The following NAALADL2 variants were observed in gnomAD, a reference collection of about 807,000 sequenced individuals.
NAALADL2 encodes inactive N-acetylated-alpha-linked acidic dipeptidase-like protein 2.
NAALADL2 carries 76 observed loss-of-function variants against 87.2 expected under a neutral mutation model. The ratio of observed to expected loss-of-function variants is 0.87; its 90% CI spans 0.72 to 1.05. The LOEUF is 1.05. NAALADL2 is among the 50% of genes least tolerant of loss of function. The pLI, the probability that NAALADL2 is intolerant of heterozygous loss-of-function variation, is 0.00. For synonymous variants in NAALADL2, 354 were observed against 331.0 expected, an observed-to-expected ratio of 1.07 and a Z score of -0.75; for missense variants, 1,089 against 945.8, an observed-to-expected ratio of 1.15 and a Z score of -1.99.
At chr3:174,662,809 A>G (rs928411910) in intron 2 of NAALADL2, among the ~76,000 whole-genome samples, 3 of 152,178 alleles carry the variant, frequency 2.0e-5, no homozygotes, top group Non-Finnish European at 4.4e-5. Context: ...GCTCTGTGCT[A>G]CTATAACTGG....
At chr3:174,988,187 C>T (rs960294717) in intron 1 of NAALADL2, among the ~76,000 whole-genome samples, 1 of 152,076 alleles carries the variant, frequency 6.6e-6, no homozygotes, top group South Asian at 2.1e-4. Context: ...TAGAAGGAGC[C>T]ACAAGAAACT....
intron 2 of NAALADL2, among the ~76,000 whole-genome samples, chr3:174,694,405 TCTTTGCATAC>T (rs1434830256): frequency 6.6e-5 from 10 of 152,090 alleles, no homozygotes; most frequent in African/African-American, 2.2e-4. Flanking sequence ...TCTTTGCATA[TCTTTGCATAC>T]CTATTATGTA....
intron 2 of NAALADL2, among the ~76,000 whole-genome samples, chr3:174,561,200 CCTT>C (rs1338026311): frequency 8.4e-6 from 1 of 118,544 alleles, no homozygotes; most frequent in African/African-American, 3.9e-5. Context: ...TAATAGGATT[CCTT>C]TTTTTTTTTT....
Position 175,804,048 on chromosome 3 carries a change from T to C in NAALADL2, c.*845T>C, listed in dbSNP as rs1477655648. Reference sequence around the variant, plus strand: ...GACTCTAAAATGAAAGCATCTCACATTGGTTTTCTTTCTTGTATCTTTTCT... The same window carrying C: ...GACTCTAAAATGAAAGCATCTCACACTGGTTTTCTTTCTTGTATCTTTTCT... On this transcript the variant is annotated 3_prime_UTR_variant, in exon 14 of 14. Transcript: ENST00000454872. 1 of 151,994 alleles carries C rather than the reference T, an allele frequency of 6.6e-6. No individual in the cohort carries two copies. The highest frequency in any genetic ancestry group is 1.5e-5 in the Non-Finnish European group (1 of 67,870). The allele number at this position is 151,994 out of a possible 1,614,324, so 9.4% of individuals were successfully genotyped here.
intron 2 of NAALADL2, among the ~76,000 whole-genome samples, chr3:174,701,548 T>C (rs1216125412): frequency 1.3e-5 from 2 of 152,182 alleles, no homozygotes; most frequent in Non-Finnish European, 2.9e-5. Context: ...CATTACAATG[T>C]AATGAGATAT....
chr3:174,894,471 G>A (rs932700703), intron 1 of NAALADL2, among the ~76,000 whole-genome samples: 6 of 151,692 alleles, frequency 4.0e-5, no homozygotes, highest in African/African-American at 1.5e-4. Context: ...GTGCACACCT[G>A]TGGTCCCAGA....
intron 2 of NAALADL2, among the ~76,000 whole-genome samples, chr3:174,646,929 C>G (rs953469512): frequency 5.1e-4 from 78 of 152,252 alleles, no homozygotes; most frequent in African/African-American, 1.8e-3. Flanking sequence ...GACATATTCT[C>G]TGCTTGCATT....
chr3:174,449,896 T>C (rs1240047149), intron 1 of NAALADL2, among the ~76,000 whole-genome samples: 1 of 152,160 alleles, frequency 6.6e-6, no homozygotes, highest in Non-Finnish European at 1.5e-5. Flanking sequence ...CCACATGATA[T>C]TGTTATTGTA....
chr3:175,517,599 C>A (rs1732037099), intron 9 of NAALADL2, among the ~76,000 whole-genome samples: 2 of 152,012 alleles, frequency 1.3e-5, no homozygotes, highest in Non-Finnish European at 2.9e-5. Context: ...CAGTTACTAG[C>A]CTACAATTAG....
chr3:175,063,711 A>G (rs7611209), intron 1 of NAALADL2, among the ~76,000 whole-genome samples: 150,458 of 151,972 alleles, frequency 0.99, 74,482 homozygotes, highest in East Asian at 1. Flanking sequence ...TCAAACTCTT[A>G]GGCTAAACCA....
chr3:175,588,062 G>A (rs1387117150), intron 10 of NAALADL2, among the ~76,000 whole-genome samples: 1 of 148,472 alleles, frequency 6.7e-6, no homozygotes, highest in African/African-American at 2.5e-5. Flanking sequence ...CATCTATGTT[G>A]ATTTAACTTT....
intron 3 of NAALADL2, among the ~76,000 whole-genome samples, chr3:174,831,959 C>T (rs1481115837): frequency 1.3e-5 from 2 of 151,650 alleles, no homozygotes; most frequent in Non-Finnish European, 2.9e-5. Context: ...GTGATATCCC[C>T]TTTATCATTT....
At chr3:175,419,953 G>A (rs948365652) in intron 5 of NAALADL2, among the ~76,000 whole-genome samples, 17 of 151,872 alleles carry the variant, frequency 1.1e-4, no homozygotes, top group African/African-American at 3.6e-4. Context: ...ACAAAGGCAA[G>A]GTTTATCTGA....
At chr3:174,484,936 T>C (rs1717761620) in intron 1 of NAALADL2, among the ~76,000 whole-genome samples, 1 of 152,022 alleles carries the variant, frequency 6.6e-6, no homozygotes, top group Admixed American at 6.6e-5. Context: ...GTTGTGTCAT[T>C]TATTATTGTA....
At chr3:175,105,726 A>G (rs187832330) in intron 2 of NAALADL2, among the ~76,000 whole-genome samples, 1,862 of 146,722 alleles carry the variant, frequency 0.013, 28 homozygotes, top group African/African-American at 0.043. Flanking sequence ...TACTCATAGC[A>G]TGTACTAAAA....
At chr3:175,654,178 C>T (rs747032385) in intron 11 of NAALADL2, among the ~76,000 whole-genome samples, 12 of 152,134 alleles carry the variant, frequency 7.9e-5, no homozygotes, top group Non-Finnish European at 1.8e-4. Context: ...GTTAGCGTAT[C>T]GTTTCTTTCC....
chr3:175,574,800 G>A (rs1425381124), intron 9 of NAALADL2, among the ~76,000 whole-genome samples: 2 of 151,880 alleles, frequency 1.3e-5, no homozygotes, highest in African/African-American at 4.8e-5. Context: ...ATTATGTCAC[G>A]CCAGAGAAGC....
Position 174,819,058 on chromosome 3 carries a change from C to CTTTT in NAALADL2, c.-9+81337_-9+81340dup, listed in dbSNP as rs3040106. Among the ~76,000 whole-genome samples, 34 of 47,542 alleles carry CTTTT rather than the reference C, an allele frequency of 7.2e-4. 8 individuals carry two copies. The highest frequency in any genetic ancestry group is 2.2e-3 in the East Asian group (3 of 1,378). The allele number at this position is 47,542 out of a possible 152,430, so 31.2% of individuals were successfully genotyped here. A position where few individuals can be genotyped will look rare whatever the true frequency, so the allele number is the denominator to read the frequency against. On this transcript the variant is annotated intron_variant, in intron 3 of 3. Coordinates refer to the NAALADL2 transcript ENST00000434257. ...GAATTTCTTTATTATACCATTTATT[C>CTTTT]TTTTTTTTTTTTTTTTTTTTTTTTT...
intron 2 of NAALADL2, among the ~76,000 whole-genome samples, chr3:175,192,460 A>G (rs1424471218): frequency 6.6e-6 from 1 of 152,008 alleles, no homozygotes; most frequent in African/African-American, 2.4e-5. Context: ...ACCTTTTCAC[A>G]TTCTAATAAA....
Sources: allele counts gnomAD v4.1 joint callset (sites outside exome capture counted in the v4.1 genomes callset), GRCh38; gene constraint gnomAD v4.1.1; transcripts MANE v1.5; gene names NCBI Gene and HGNC (gene_info 2026-07-23, HGNC 2026-07-21).